CDH4: variants seen among roughly 807,000 people sequenced by gnomAD.
CDH4 encodes the protein cadherin 4.
CDH4 carries 33 observed loss-of-function variants against 86.0 expected under a neutral mutation model. The ratio of observed to expected loss-of-function variants is 0.38; its 90% CI spans 0.29 to 0.51. The LOEUF is 0.51. Ranked by LOEUF, CDH4 falls within the 20% of genes least tolerant of loss-of-function variation. The probability of loss-of-function intolerance (pLI) is 0.86; values close to 1 mark genes in which losing one functional copy is unlikely to be tolerated. For synonymous variants in CDH4, 555 were observed against 549.4 expected (o/e 1.01, Z -0.14); for missense variants, 1,114 against 1,307.4 (o/e 0.85, Z 2.28).
chr20:61,903,172 C>G (rs1426720367), intron 8 of CDH4, among the ~76,000 whole-genome samples: 1 of 152,226 alleles, frequency 6.6e-6, no homozygotes. Context: ...CTGGGCACTC[C>G]CTATGCCAGG....
At chr20:61,637,614 C>T (rs1335922974) in intron 2 of CDH4, among the ~76,000 whole-genome samples, 6 of 152,102 alleles carry the variant, frequency 3.9e-5, no homozygotes, top group Admixed American at 6.5e-5. Context: ...TTTACTTCTA[C>T]GTACTTTCTT....
intron 4 of CDH4, among the ~76,000 whole-genome samples, chr20:61,835,946 C>T (rs540640329): frequency 5.9e-5 from 9 of 152,268 alleles, no homozygotes; most frequent in Non-Finnish European, 8.8e-5. Context: ...CTGTCCCGAG[C>T]GGAAGGACCC....
chr20:61,617,152 C>G (rs1188563364), intron 2 of CDH4, among the ~76,000 whole-genome samples: 5 of 152,228 alleles, frequency 3.3e-5, no homozygotes, highest in Admixed American at 1.3e-4. Context: ...CACCACCGCC[C>G]TCTGTGCTGC....
At position 61,518,629 on chromosome 20, in the gene CDH4, CCTAACCATTTATCCAT is replaced by C. The variant is rs1041648694; in HGVS notation, c.170-224932_170-224917del. On this transcript the variant is annotated intron_variant, in intron 2 of 15. Transcript: ENST00000614565. This position sits in a 1 kb window ranked among gnomAD's most constrained non-coding sequence, Gnocchi z 6.3. ...CACTCATCCATCCATCCTTCATCCA[CCTAACCATTTATCCAT>C]CCATTCATCCTTCCATCTATCATCC... Among the ~76,000 whole-genome samples, 1 of 151,538 alleles carries C rather than the reference CCTAACCATTTATCCAT, an allele frequency of 6.6e-6. No homozygotes were observed. Among genetic ancestry groups the C allele is most frequent in the Non-Finnish European group, 1.5e-5 (1 of 67,876 alleles).
At chr20:61,645,547 G>T (rs2087052513) in intron 2 of CDH4, among the ~76,000 whole-genome samples, 1 of 151,734 alleles carries the variant, frequency 6.6e-6, no homozygotes, top group Admixed American at 6.6e-5. Context: ...CAGGAGGATA[G>T]CTTGAACCCA....
At chr20:61,358,131 T>A (rs534186690) in intron 2 of CDH4, among the ~76,000 whole-genome samples, 2 of 152,214 alleles carry the variant, frequency 1.3e-5, no homozygotes, top group Admixed American at 1.3e-4. Context: ...TGGATATGGG[T>A]ACTTTGAGAG....
At chr20:61,332,562 A>G (rs899442442) in intron 2 of CDH4, among the ~76,000 whole-genome samples, 4 of 152,036 alleles carry the variant, frequency 2.6e-5, no homozygotes, top group African/African-American at 9.7e-5. Context: ...TTCCTGCCCC[A>G]CCCTGGGCAG....
At chr20:61,556,583 C>A (rs2086179184) in intron 2 of CDH4, among the ~76,000 whole-genome samples, 1 of 152,240 alleles carries the variant, frequency 6.6e-6, no homozygotes, top group Non-Finnish European at 1.5e-5. Flanking sequence ...TTGGCCATCA[C>A]ACGGCGAAGA....
rs1049618074 is a variant in CDH4, at chr20:61,304,268, C to CCG, written c.169+49332_169+49333insGC. On this transcript the variant is annotated intron_variant, in intron 2 of 15. Coordinates refer to ENST00000614565, the MANE Select transcript of CDH4 (RefSeq NM_001794.5). Reference sequence around the variant, plus strand: ...GATTGAAGATAGTGGACGGCACCCCCCCAACCCCCCGTTCTTTGGTGTGGT... The same window carrying CCG: ...GATTGAAGATAGTGGACGGCACCCCCCGCCAACCCCCCGTTCTTTGGTGTGGT... Among the ~76,000 whole-genome samples, 56 of 151,876 alleles carry CCG rather than the reference C, an allele frequency of 3.7e-4. 2 individuals carry two copies. The South Asian group carries it at 6.1e-3, about 17-fold the overall frequency.
At chr20:61,801,811 C>A (rs1979844661) in intron 4 of CDH4, among the ~76,000 whole-genome samples, 1 of 152,226 alleles carries the variant, frequency 6.6e-6, no homozygotes, top group Non-Finnish European at 1.5e-5. Context: ...CCTCTCCTGC[C>A]CTCCATAAGG....
At chr20:61,830,229 T>A (rs1981533403) in intron 4 of CDH4, among the ~76,000 whole-genome samples, 1 of 150,558 alleles carries the variant, frequency 6.6e-6, no homozygotes, top group South Asian at 2.1e-4. Context: ...AGCAGGCGAG[T>A]CCTCTCTTGT....
chr20:61,894,306 C>A (rs755305711), intron 7 of CDH4, among the ~76,000 whole-genome samples: 65 of 152,344 alleles, frequency 4.3e-4, no homozygotes, highest in Middle Eastern at 6.8e-3. Context: ...ATGCATTCAT[C>A]CTGCCAAGAC....
At chr20:61,874,772 G>A (rs1983947568) in intron 7 of CDH4, among the ~76,000 whole-genome samples, 1 of 152,218 alleles carries the variant, frequency 6.6e-6, no homozygotes, top group East Asian at 1.9e-4. Context: ...TGCCCACAGA[G>A]GCCAGTGTCA....
intron 2 of CDH4, among the ~76,000 whole-genome samples, chr20:61,296,785 G>A (rs1330611144): frequency 6.6e-6 from 1 of 152,178 alleles, no homozygotes; most frequent in East Asian, 1.9e-4. Context: ...TCCCTGAACT[G>A]GGCGTTTCAG....
At chr20:61,499,044 T>A (rs1410468971) in intron 2 of CDH4, among the ~76,000 whole-genome samples, 1 of 152,176 alleles carries the variant, frequency 6.6e-6, no homozygotes, top group Non-Finnish European at 1.5e-5. Flanking sequence ...GAGCATGGCC[T>A]CCAGGCTGCA....
In CDH4 at chr20:61,557,757, G is replaced by A. The variant is rs982855858; in HGVS notation, c.170-185806G>A. Among the ~76,000 whole-genome samples the A allele has an allele frequency of 1.1e-4, 16 of 139,938 alleles. 1 individual carries two copies. The highest frequency in any genetic ancestry group is 3.0e-4 in the East Asian group (1 of 3,296). 91.8% of individuals were successfully genotyped at this position (139,938 alleles called of 152,430 possible). A position where few individuals can be genotyped will look rare whatever the true frequency, so the allele number is the denominator to read the frequency against. On this transcript the variant is annotated intron_variant, in intron 2 of 15. Transcript: ENST00000614565. ...GAGAAGGCTCGTTAAGGGCGTGAACGTGCAGCCACCTGCATTTTAATCACT... is the reference window on the plus strand; with the variant it reads ...GAGAAGGCTCGTTAAGGGCGTGAACATGCAGCCACCTGCATTTTAATCACT...
chr20:61,380,167 T>G (rs919351652), intron 2 of CDH4, among the ~76,000 whole-genome samples: 4 of 152,318 alleles, frequency 2.6e-5, no homozygotes, highest in African/African-American at 9.6e-5. Flanking sequence ...TGCTCGATGC[T>G]TCAAATCTCA....
chr20:61,730,903 C>CAGGGA (rs1340427575), intron 2 of CDH4, among the ~76,000 whole-genome samples: 7 of 145,736 alleles, frequency 4.8e-5, no homozygotes, highest in South Asian at 2.3e-4. Context: ...GCGGCGGGGT[C>CAGGGA]TGGGATGGAT....
At chr20:61,542,531 A>G (rs1013958048) in intron 2 of CDH4, among the ~76,000 whole-genome samples, 2 of 152,204 alleles carry the variant, frequency 1.3e-5, no homozygotes, top group Non-Finnish European at 2.9e-5. Context: ...TTGAAATCCT[A>G]GGGTTTTCCA....
Sources: gnomAD v4.1 joint callset for allele counts (sites outside exome capture counted in the v4.1 genomes callset) on GRCh38, gnomAD v4.1.1 for gene constraint, Gnocchi (gnomAD v3.1) non-coding constraint, MANE v1.5 for transcripts, NCBI Gene and HGNC (gene_info 2026-07-23, HGNC 2026-07-21) for gene names.